FNBP1: variants seen among roughly 807,000 people sequenced by gnomAD.
FNBP1 encodes formin binding protein 1.
A neutral mutation model predicts 90.6 loss-of-function variants in FNBP1; 26 were observed. The ratio of observed to expected loss-of-function variants is 0.29; its 90% confidence interval spans 0.21 to 0.40. The LOEUF is 0.40. Ranked by LOEUF, FNBP1 falls within the 10% of genes least tolerant of loss-of-function variation. FNBP1 has a pLI of 1.00. For synonymous variants in FNBP1, 260 were observed against 265.2 expected, an observed-to-expected ratio of 0.98 and a Z score of 0.19; for missense variants, 635 against 768.0, an observed-to-expected ratio of 0.83 and a Z score of 2.05.
At chr9:130,043,201 C>A (rs1352241317), upstream of FNBP1, 2 of 356,058 alleles carry the variant, frequency 5.6e-6, no homozygotes, top group Admixed American at 4.7e-5. Flanking sequence ...GCCGCCGCAG[C>A]GCCCGCCCGC....
rs553633232 is a variant in FNBP1, at chr9:129,998,054, G to C, written c.25-3096C>G. Among the ~76,000 whole-genome samples the C allele has an allele frequency of 2.0e-5, 3 of 151,490 alleles. No homozygotes were observed. In the South Asian group the frequency reaches 6.3e-4, roughly 32 times the overall value. The stretch of plus-strand genomic sequence containing the variant: ...CTACTAAAAATACAAAAATTTGCCA[G>C]GCATGGTGGCATGCACCTGTAATCC... On this transcript the variant is annotated intron_variant, in intron 1 of 16. Transcript: ENST00000446176.
chr9:130,022,644 T>G (rs2057948193), intron 1 of FNBP1, among the ~76,000 whole-genome samples: 1 of 152,206 alleles, frequency 6.6e-6, no homozygotes, highest in Admixed American at 6.5e-5. Context: ...TCAATAAAAA[T>G]TTCACACAAA....
At chr9:130,052,342 T>A in the FNBP1 span, among the ~76,000 whole-genome samples, 1 of 152,212 alleles carries the variant, frequency 6.6e-6, no homozygotes, top group Non-Finnish European at 1.5e-5. Flanking sequence ...CTTATAAAAC[T>A]GTTGTCCAGA....
intron 1 of FNBP1, among the ~76,000 whole-genome samples, chr9:130,009,049 T>C (rs2056190723): frequency 6.6e-6 from 1 of 152,218 alleles, no homozygotes; most frequent in Non-Finnish European, 1.5e-5. Context: ...TCCTGACTTA[T>C]TTCTAAACTC....
upstream of FNBP1, among the ~76,000 whole-genome samples, chr9:130,043,456 C>G (rs1246561537): frequency 6.6e-6 from 1 of 152,252 alleles, no homozygotes; most frequent in Non-Finnish European, 1.5e-5. Flanking sequence ...GCTCGCAGTA[C>G]TAGCGCTTGC....
intron 2 of FNBP1, among the ~76,000 whole-genome samples, chr9:129,987,677 T>G (rs545811884): frequency 6.6e-6 from 1 of 152,066 alleles, no homozygotes; most frequent in Non-Finnish European, 1.5e-5. Context: ...TTTTGTGATT[T>G]TAGTAGAGAG....
chr9:129,897,903 C>G (rs1320689724), intron 15 of FNBP1, among the ~76,000 whole-genome samples: 1 of 152,156 alleles, frequency 6.6e-6, no homozygotes, highest in East Asian at 1.9e-4. Context: ...GATCTTGGCT[C>G]ACTGCAACCT....
intron 6 of FNBP1, among the ~76,000 whole-genome samples, chr9:129,946,384 T>G (rs1188615001): frequency 6.6e-6 from 1 of 152,198 alleles, no homozygotes; most frequent in African/African-American, 2.4e-5. Flanking sequence ...ACTGATACAC[T>G]GTTCAGTGCT....
In FNBP1 at chr9:130,039,246, A is replaced by T. The variant is rs187081655; in HGVS notation, c.24+3706T>A. Among the ~76,000 whole-genome samples the T allele has an allele frequency of 4.0e-4, 61 of 152,368 alleles. No homozygotes were observed. The East Asian group carries it at 0.012, about 29-fold the overall frequency. ...TTCAATGTATATAATGTAACTTACA[A>T]CAGATTCAGACTGGTGTCTTGTGCA... On this transcript the variant is annotated intron_variant, in intron 1 of 16. Coordinates refer to ENST00000446176, the MANE Select transcript of FNBP1 (RefSeq NM_015033.3).
rs1295758185 is a variant in FNBP1, at chr9:130,041,191, C to T, written c.24+1761G>A. 6.6e-6 allele frequency among the ~76,000 whole-genome samples: 1 copy of T among 151,900 alleles called. No individual in the cohort carries two copies. On this transcript the variant is annotated intron_variant, in intron 1 of 16. Transcript: ENST00000446176. This position sits in a 1 kb window ranked among gnomAD's most constrained non-coding sequence, Gnocchi z 4.3. ...CCTGCCTTCCTTCCCACTTCTGCACCCTCAAAAAGAAATGTACAGAATAAT... is the reference window on the plus strand; with the variant it reads ...CCTGCCTTCCTTCCCACTTCTGCACTCTCAAAAAGAAATGTACAGAATAAT...
At chr9:130,004,083 G>A (rs1245382477) in intron 1 of FNBP1, among the ~76,000 whole-genome samples, 1 of 151,586 alleles carries the variant, frequency 6.6e-6, no homozygotes, top group East Asian at 1.9e-4. Context: ...CTTTAATATG[G>A]TGTTTTCCTG....
chr9:129,966,369 A>G lies in FNBP1; in HGVS notation c.346-7816T>C, dbSNP rs2048641593. Among the ~76,000 whole-genome samples the G allele has an allele frequency of 6.6e-6, 1 of 152,148 alleles. No homozygotes were observed. The highest frequency in any genetic ancestry group is 2.4e-5 in the African/African-American group (1 of 41,428). ...ACCAAGGTAAAGGGCACAGGGACGG[A>G]GGGCAGGCAGGGGCTTGACCATGGA... On this transcript the variant is annotated intron_variant, in intron 4 of 16. Coordinates refer to ENST00000446176, the MANE Select transcript of FNBP1 (RefSeq NM_015033.3). This position sits in a 1 kb window ranked among gnomAD's most constrained non-coding sequence, Gnocchi z 4.3.
chr9:129,940,207 AAAAACAACAAC>A (rs1564384859), intron 6 of FNBP1, among the ~76,000 whole-genome samples: 1 of 152,168 alleles, frequency 6.6e-6, no homozygotes, highest in Non-Finnish European at 1.5e-5. Context: ...ACCCTCTCTC[AAAAACAACAAC>A]AAAACAACGA....
intron 2 of FNBP1, among the ~76,000 whole-genome samples, chr9:129,980,275 G>A (rs757655369): frequency 2.1e-4 from 32 of 150,534 alleles, no homozygotes; most frequent in Non-Finnish European, 3.4e-4. Flanking sequence ...CAGAAGAATC[G>A]CTTGAACCCG....
the FNBP1 span, among the ~76,000 whole-genome samples, chr9:130,050,300 T>C: frequency 6.6e-6 from 1 of 152,090 alleles, no homozygotes; most frequent in African/African-American, 2.4e-5. Context: ...CCTGTAAAGA[T>C]GTACATAAAA....
rs2048702797 is a variant in FNBP1, at chr9:129,966,800, TC to T, written c.346-8248del. Among the ~76,000 whole-genome samples, 1 of 152,098 alleles carries T rather than the reference TC, an allele frequency of 6.6e-6. No homozygotes were observed. The highest frequency in any genetic ancestry group is 1.5e-5 in the Non-Finnish European group (1 of 68,010). On this transcript the variant is annotated intron_variant, in intron 4 of 16. Coordinates refer to ENST00000446176, the MANE Select transcript of FNBP1 (RefSeq NM_015033.3). The surrounding 1 kb of genome is among the most constrained non-coding windows in gnomAD (Gnocchi z 4.3). ...GTGACATGGCCTGATCTACATTATT[TC>T]AATGTCAAGCTGGCTGCTGCAGGGG...
intron 4 of FNBP1, among the ~76,000 whole-genome samples, chr9:129,971,937 T>C (rs564301170): frequency 1.3e-5 from 2 of 152,356 alleles, no homozygotes; most frequent in South Asian, 4.1e-4. Context: ...GCACTAATCC[T>C]GTAAATTCAA....
At chr9:130,034,712 C>T (rs1337349871) in intron 1 of FNBP1, among the ~76,000 whole-genome samples, 1 of 152,194 alleles carries the variant, frequency 6.6e-6, no homozygotes, top group African/African-American at 2.4e-5. Flanking sequence ...GCTGGCTCTG[C>T]AGCATTTAGT....
intron 1 of FNBP1, among the ~76,000 whole-genome samples, chr9:130,026,105 G>A (rs1340490201): frequency 6.6e-6 from 1 of 152,132 alleles, no homozygotes; most frequent in Non-Finnish European, 1.5e-5. Context: ...AAATCAATCA[G>A]TTAGTTAATG....
Sources: allele counts gnomAD v4.1 joint callset (sites outside exome capture counted in the v4.1 genomes callset), GRCh38; gene constraint gnomAD v4.1.1; non-coding constraint Gnocchi (gnomAD v3.1); transcripts MANE v1.5; gene names NCBI Gene and HGNC (gene_info 2026-07-23, HGNC 2026-07-21).